CFAP77: variants seen among roughly 807,000 people sequenced by gnomAD.
CFAP77 encodes cilia- and flagella-associated protein 77.
In CFAP77, 25 loss-of-function variants were observed where a neutral mutation model predicts 31.1. That is an observed-to-expected ratio of 0.80 (90% CI 0.59 to 1.12). The LOEUF is 1.12. CFAP77 is among the 50% of genes most tolerant of loss of function. CFAP77 has a pLI of 0.00. For synonymous variants in CFAP77, 151 were observed against 159.9 expected, an observed-to-expected ratio of 0.94 and a Z score of 0.42; for missense variants, 377 against 397.3, an observed-to-expected ratio of 0.95 and a Z score of 0.44.
At chr9:132,414,890 C>T (rs1850070261) in intron 1 of CFAP77, among the ~76,000 whole-genome samples, 1 of 152,112 alleles carries the variant, frequency 6.6e-6, no homozygotes, top group Admixed American at 6.5e-5. Flanking sequence ...GCAACCACAC[C>T]ATGCCCACTA....
intron 1 of CFAP77, among the ~76,000 whole-genome samples, chr9:132,458,514 T>C (rs1850970792): frequency 6.6e-6 from 1 of 152,126 alleles, no homozygotes; most frequent in Non-Finnish European, 1.5e-5. Context: ...CAGAAGAAAA[T>C]GTTTATTCCT....
At chr9:132,562,669 C>A (rs1829830466) in intron 5 of CFAP77, among the ~76,000 whole-genome samples, 1 of 152,036 alleles carries the variant, frequency 6.6e-6, no homozygotes, top group South Asian at 2.1e-4. Context: ...GGCCATTGAG[C>A]ACTTGTTTTT....
At chr9:132,563,038 G>A (rs1177760391) in intron 5 of CFAP77, among the ~76,000 whole-genome samples, 2 of 151,560 alleles carry the variant, frequency 1.3e-5, no homozygotes, top group African/African-American at 4.9e-5. Flanking sequence ...TTTGTTTTTA[G>A]AGACAGCACC....
rs975228026 is a variant in CFAP77 at position 132,498,558 on chromosome 9, C to T, written c.196-137C>T. ...TCCTCCCAGGGAGGGCTCTGCCACCCACTCCTGTGCCACCCTGAAGGCCAC... is the reference window on the plus strand; with the variant it reads ...TCCTCCCAGGGAGGGCTCTGCCACCTACTCCTGTGCCACCCTGAAGGCCAC... On this transcript the variant is annotated intron_variant, in intron 1 of 5. Transcript: ENST00000393216. This position sits in a 1 kb window ranked among gnomAD's most constrained non-coding sequence, Gnocchi z 4.2. The T allele has an allele frequency of 9.2e-6, 6 of 650,440 alleles. No homozygotes were observed. The highest frequency in any genetic ancestry group is 1.6e-5 in the Non-Finnish European group (6 of 366,724). The allele number at this position is 650,440 out of a possible 1,614,324, so 40.3% of individuals were successfully genotyped here. A position where few individuals can be genotyped will look rare whatever the true frequency, so the allele number is the denominator to read the frequency against.
At chr9:132,540,761 T>A (rs1852626073) in intron 4 of CFAP77, among the ~76,000 whole-genome samples, 1 of 152,200 alleles carries the variant, frequency 6.6e-6, no homozygotes, top group Middle Eastern at 3.2e-3. Flanking sequence ...GTTCAGATTA[T>A]CAGGATGTTC....
chr9:132,492,644 G>A (rs1851669759), intron 1 of CFAP77, among the ~76,000 whole-genome samples: 1 of 152,196 alleles, frequency 6.6e-6, no homozygotes, highest in African/African-American at 2.4e-5. Flanking sequence ...TTCCATACCT[G>A]TGAAATCAGC....
chr9:132,489,981 T>C lies in CFAP77; in HGVS notation c.196-8714T>C, dbSNP rs554669541. On this transcript the variant is annotated intron_variant, in intron 1 of 5. Transcript: ENST00000393216. ...TATAGAAAGAATAGAAATTTGTTTC[T>C]CAGCGTTCTAGGGGCTGGGAGTTCC... 2.6e-5 allele frequency among the ~76,000 whole-genome samples: 4 copies of C among 152,306 alleles called. No homozygotes were observed. The South Asian group carries it at 8.3e-4, about 32-fold the overall frequency.
intron 3 of CFAP77, among the ~76,000 whole-genome samples, chr9:132,520,635 A>C (rs989306651): frequency 1.3e-5 from 2 of 152,164 alleles, no homozygotes; most frequent in African/African-American, 4.8e-5. Context: ...TAAATAAATA[A>C]ATTAATTAAA....
At chr9:132,453,239 T>G (rs1850856987) in intron 1 of CFAP77, among the ~76,000 whole-genome samples, 1 of 152,068 alleles carries the variant, frequency 6.6e-6, no homozygotes, top group Admixed American at 6.5e-5. Flanking sequence ...AAAAAGCCAA[T>G]ATAGGCCGGG....
At chr9:132,459,743 A>AGT (rs759634912) in intron 1 of CFAP77, among the ~76,000 whole-genome samples, 2 of 124,596 alleles carry the variant, frequency 1.6e-5, no homozygotes, top group Non-Finnish European at 3.2e-5. Flanking sequence ...TATGTGTGTG[A>AGT]GTGTGTGTGT....
chr9:132,560,357 T>A (rs970971244), intron 5 of CFAP77, among the ~76,000 whole-genome samples: 32 of 152,124 alleles, frequency 2.1e-4, no homozygotes, highest in African/African-American at 7.7e-4. Flanking sequence ...CCTATTGAGC[T>A]TACAAGCTGA....
intron 1 of CFAP77, among the ~76,000 whole-genome samples, chr9:132,416,980 A>G (rs1289257789): frequency 1.3e-5 from 2 of 151,826 alleles, no homozygotes; most frequent in Non-Finnish European, 2.9e-5. Flanking sequence ...TTTGTTGGTC[A>G]TTGGTAATGA....
At chr9:132,458,730 C>T (rs1850974266) in intron 1 of CFAP77, among the ~76,000 whole-genome samples, 1 of 150,560 alleles carries the variant, frequency 6.6e-6, no homozygotes. Flanking sequence ...TGGCAGGTGT[C>T]GTGTTAGGCG....
intron 1 of CFAP77, among the ~76,000 whole-genome samples, chr9:132,458,048 C>A (rs1323474124): frequency 6.6e-6 from 1 of 152,168 alleles, no homozygotes; most frequent in Non-Finnish European, 1.5e-5. Flanking sequence ...ATTTTATGAT[C>A]CTATTTTCTC....
rs577483270 is a variant in CFAP77 at position 132,418,427 on chromosome 9, C to T, written c.195+7961C>T. Among the ~76,000 whole-genome samples the T allele has an allele frequency of 5.8e-4, 89 of 152,344 alleles. 1 individual carries two copies. The highest frequency in any genetic ancestry group is 2.0e-3 in the African/African-American group (84 of 41,588). On this transcript the variant is annotated intron_variant, in intron 1 of 5. Transcript: ENST00000393216. ...AGACATAAAGGAGACGTGGGAACTT[C>T]GTTATCCTTCACCCGTGGTTCATGG... is the stretch of plus-strand genomic sequence containing the variant.
intron 3 of CFAP77, among the ~76,000 whole-genome samples, chr9:132,526,127 A>G (rs562131315): frequency 5.3e-5 from 8 of 152,356 alleles, no homozygotes; most frequent in African/African-American, 1.9e-4. Flanking sequence ...ACATTTGTGA[A>G]TAAGTTTTTA....
chr9:132,441,759 C>T (rs1052326444), intron 1 of CFAP77, among the ~76,000 whole-genome samples: 6 of 152,104 alleles, frequency 3.9e-5, no homozygotes, highest in East Asian at 3.9e-4. Flanking sequence ...ACCAGGAACC[C>T]GATCTTCTTC....
rs142232414 is a variant in CFAP77 at position 132,544,119 on chromosome 9, G to A, written c.732+1072G>A. On this transcript the variant is annotated intron_variant, in intron 5 of 5. Coordinates refer to ENST00000393216, the MANE Select transcript of CFAP77 (RefSeq NM_001282957.2). ...GTGCCTTTCTGAGCCTAATGCACTC[G>A]AACAGGCTGTAGAGCTTCACCGGAG... 4.9e-3 allele frequency among the ~76,000 whole-genome samples: 751 copies of A among 152,122 alleles called. 5 individuals carry two copies. The highest frequency in any genetic ancestry group is 0.017 in the African/African-American group (699 of 41,464).
intron 1 of CFAP77, among the ~76,000 whole-genome samples, chr9:132,478,791 C>T (rs1851396227): frequency 6.6e-6 from 1 of 152,234 alleles, no homozygotes; most frequent in African/African-American, 2.4e-5. Context: ...TCCCTCTTTT[C>T]ATCTAAAGAC....
Sources: gnomAD v4.1 joint callset for allele counts (sites outside exome capture counted in the v4.1 genomes callset) on GRCh38, gnomAD v4.1.1 for gene constraint, Gnocchi (gnomAD v3.1) non-coding constraint, MANE v1.5 for transcripts, NCBI Gene and HGNC (gene_info 2026-07-23, HGNC 2026-07-21) for gene names.